The following REDIC1 variants were observed in gnomAD, a reference collection of about 807,000 sequenced individuals.
The protein encoded by REDIC1 is regulator of DNA class I crossover intermediates 1.
the REDIC1 span, among the ~76,000 whole-genome samples, chr12:39,731,855 A>C: frequency 2.1e-3 from 257 of 124,884 alleles, 1 homozygote; most frequent in African/African-American, 6.6e-3. Context: ...GTTCAATTTC[A>C]GTTGTTTTAT....
chr12:39,652,006 T>C, the REDIC1 span, among the ~76,000 whole-genome samples: 1 of 152,180 alleles, frequency 6.6e-6, no homozygotes, highest in Non-Finnish European at 1.5e-5. Flanking sequence ...GTGTTCTTTT[T>C]TGTTGTTTGA....
the REDIC1 span, among the ~76,000 whole-genome samples, chr12:39,841,521 T>C: frequency 2.6e-5 from 4 of 152,220 alleles, no homozygotes; most frequent in African/African-American, 9.6e-5. Context: ...ATTGTAATTT[T>C]GCATGTGTAA....
chr12:39,875,209 C>A, the REDIC1 span, among the ~76,000 whole-genome samples: 2 of 152,200 alleles, frequency 1.3e-5, no homozygotes, highest in Non-Finnish European at 2.9e-5. Context: ...GTCAGTAGAG[C>A]TCTGTCCCTT....
chr12:39,840,088 A>T, the REDIC1 span, among the ~76,000 whole-genome samples: 1 of 151,684 alleles, frequency 6.6e-6, no homozygotes, highest in Non-Finnish European at 1.5e-5. Context: ...CTGGAGTGCA[A>T]TGGTGTGATC....
At chr12:39,653,079 A>T in the REDIC1 span, among the ~76,000 whole-genome samples, 2 of 152,150 alleles carry the variant, frequency 1.3e-5, no homozygotes, top group African/African-American at 4.8e-5. Flanking sequence ...CAGAAACCAA[A>T]TCTATTTGGA....
chr12:39,711,937 A>G, the REDIC1 span, among the ~76,000 whole-genome samples: 3 of 126,440 alleles, frequency 2.4e-5, no homozygotes, highest in Non-Finnish European at 5.2e-5. Context: ...CTATATGTAT[A>G]TAGACATGTA....
chr12:39,632,621 A>G, the REDIC1 span, among the ~76,000 whole-genome samples: 2 of 152,138 alleles, frequency 1.3e-5, no homozygotes, highest in Non-Finnish European at 2.9e-5. Flanking sequence ...ATTCTGAGAA[A>G]TATACCATTA....
the REDIC1 span, among the ~76,000 whole-genome samples, chr12:39,895,544 A>G: frequency 7.7e-6 from 1 of 130,016 alleles, no homozygotes. Flanking sequence ...ATATATATAT[A>G]TATATATACA....
the REDIC1 span, among the ~76,000 whole-genome samples, chr12:39,848,680 C>G: frequency 3.2e-3 from 489 of 152,214 alleles, 1 homozygote; most frequent in African/African-American, 0.011. Flanking sequence ...GGTATATATG[C>G]AGAGGAATGT....
chr12:39,859,677 C>T, the REDIC1 span, among the ~76,000 whole-genome samples: 5 of 152,020 alleles, frequency 3.3e-5, no homozygotes, highest in Non-Finnish European at 4.4e-5. Context: ...CACCCACAAC[C>T]GCACCTGGCT....
the REDIC1 span, chr12:39,788,517 C>T: frequency 6.6e-6 from 1 of 152,080 alleles, no homozygotes; most frequent in Non-Finnish European, 1.5e-5. Context: ...CAATGGTACA[C>T]AATTTAAAAC....
chr12:39,648,463 A>G, the REDIC1 span, among the ~76,000 whole-genome samples: 2 of 151,856 alleles, frequency 1.3e-5, no homozygotes, highest in African/African-American at 4.8e-5. Context: ...TTAACACTAT[A>G]CAAATATATA....
At chr12:39,794,776 G>A in the REDIC1 span, among the ~76,000 whole-genome samples, 2 of 152,084 alleles carry the variant, frequency 1.3e-5, no homozygotes, top group Non-Finnish European at 2.9e-5. Flanking sequence ...CTCAATTTGC[G>A]AATCATTCTT....
At chr12:39,893,147 TAAG>T in the REDIC1 span, among the ~76,000 whole-genome samples, 1 of 152,178 alleles carries the variant, frequency 6.6e-6, no homozygotes, top group African/African-American at 2.4e-5. Flanking sequence ...TTATCAAAAA[TAAG>T]AAAGCAACAA....
At chr12:39,882,878 T>TA in the REDIC1 span, among the ~76,000 whole-genome samples, 7 of 152,230 alleles carry the variant, frequency 4.6e-5, no homozygotes, top group Non-Finnish European at 7.3e-5. Flanking sequence ...TAGAATTACT[T>TA]AGATATACAT....
the REDIC1 span, among the ~76,000 whole-genome samples, chr12:39,776,111 C>T: frequency 6.6e-6 from 1 of 152,124 alleles, no homozygotes; most frequent in African/African-American, 2.4e-5. Flanking sequence ...TGCTGTTCCC[C>T]CCTACAATTT....
the REDIC1 span, chr12:39,647,808 CAT>C: frequency 6.3e-7 from 1 of 1,589,720 alleles, no homozygotes; most frequent in Non-Finnish European, 8.6e-7. Flanking sequence ...GGCATGGACT[CAT>C]ATAGTATGCT....
At chr12:39,772,949 T>C in the REDIC1 span, among the ~76,000 whole-genome samples, 5 of 152,166 alleles carry the variant, frequency 3.3e-5, no homozygotes, top group South Asian at 2.1e-4. Flanking sequence ...AATACGTAGA[T>C]AGCTAATGAC....
At chr12:39,768,944 T>C in the REDIC1 span, among the ~76,000 whole-genome samples, 2 of 152,082 alleles carry the variant, frequency 1.3e-5, no homozygotes, top group African/African-American at 2.4e-5. Context: ...ATGAAGTATA[T>C]ACTGTCTTCA....
Sources: gnomAD v4.1 joint callset for allele counts (sites outside exome capture counted in the v4.1 genomes callset) on GRCh38, gnomAD v4.1.1 for gene constraint, MANE v1.5 for transcripts, NCBI Gene and HGNC (gene_info 2026-07-23, HGNC 2026-07-21) for gene names.